The following ASCC3 variants were observed in gnomAD, a reference collection of about 807,000 sequenced individuals.
The protein encoded by ASCC3 is ASC-1 complex subunit P200.
In ASCC3, 158 loss-of-function variants were observed where a neutral mutation model predicts 256.3. The observed-to-expected ratio is 0.62, with a 90% CI of 0.54 to 0.70. ASCC3 has a LOEUF of 0.70. Among genes scored for constraint, ASCC3 ranks in the 30% least tolerant of loss-of-function variants. ASCC3 has a pLI of 0.00. For synonymous variants in ASCC3, 948 were observed against 883.4 expected (o/e 1.07, Z -1.30); for missense variants, 2,259 against 2,626.0 (o/e 0.86, Z 3.05).
At chr6:100,625,441 A>G (rs1774179551) in intron 29 of ASCC3, 107 bp from the exon 30 acceptor site, 1 of 1,335,234 alleles carries the variant, frequency 7.5e-7, no homozygotes, top group African/African-American at 1.4e-5. Context: ...TAAACAATTT[A>G]GGCATGAAAT....
chr6:100,679,780 A>C, intron 13 of ASCC3, 28 bp from the exon 14 acceptor site: 3 of 1,610,052 alleles, frequency 1.9e-6, no homozygotes, highest in Non-Finnish European at 2.5e-6. Context: ...AGTTTATTTA[A>C]TATTCCAATT....
chr6:100,798,893 T>C, intron 7 of ASCC3, 55 bp from the exon 8 acceptor site: 1 of 1,450,772 alleles, frequency 6.9e-7, no homozygotes, highest in Admixed American at 1.7e-5. Context: ...ACACTTGCTC[T>C]GGTAAATATT....
intron 4 of ASCC3, among the ~76,000 whole-genome samples, chr6:100,834,811 G>A (rs1771795291): frequency 6.6e-6 from 1 of 152,014 alleles, no homozygotes; most frequent in Non-Finnish European, 1.5e-5. Flanking sequence ...AATTCAAATT[G>A]GTAATTGAAG....
rs532060320 is a variant in ASCC3, at chr6:100,837,492, C to T, written c.801+10656G>A. On this transcript the variant is annotated intron_variant, in intron 4 of 41. Coordinates refer to ENST00000369162, the MANE Select transcript of ASCC3 (RefSeq NM_006828.4). ...CAAGATATGAATCAACCTAAGCATCCATCAACAGATGAATAGATAAATATA... is the reference window on the plus strand; with the variant it reads ...CAAGATATGAATCAACCTAAGCATCTATCAACAGATGAATAGATAAATATA... Among the ~76,000 whole-genome samples the T allele has an allele frequency of 1.8e-4, 28 of 152,158 alleles. No individual in the cohort carries two copies. The South Asian group carries it at 5.8e-3, about 32-fold the overall frequency.
chr6:100,777,527 T>C (rs1208537934), intron 8 of ASCC3, among the ~76,000 whole-genome samples: 1 of 152,124 alleles, frequency 6.6e-6, no homozygotes, highest in African/African-American at 2.4e-5. Context: ...AATGCTCCTA[T>C]GAATACATTT....
intron 36 of ASCC3, among the ~76,000 whole-genome samples, chr6:100,576,233 G>GA (rs1770851172): frequency 6.6e-6 from 1 of 151,870 alleles, no homozygotes; most frequent in Non-Finnish European, 1.5e-5. Flanking sequence ...GGGTTCTTAT[G>GA]AAACACCTAA....
At chr6:100,694,472 A>T (rs1293936403) in intron 13 of ASCC3, among the ~76,000 whole-genome samples, 1 of 152,174 alleles carries the variant, frequency 6.6e-6, no homozygotes, top group Non-Finnish European at 1.5e-5. Flanking sequence ...TGACAGAGGA[A>T]GGCTCAATCT....
intron 4 of ASCC3, among the ~76,000 whole-genome samples, chr6:100,843,416 A>C (rs1011400897): frequency 4.6e-5 from 7 of 152,198 alleles, no homozygotes; most frequent in Admixed American, 1.3e-4. Flanking sequence ...TGCTATAAAG[A>C]AGCAGCCCAT....
chr6:100,653,267 T>G (rs1775757873), intron 17 of ASCC3, among the ~76,000 whole-genome samples: 1 of 152,136 alleles, frequency 6.6e-6, no homozygotes, highest in Non-Finnish European at 1.5e-5. Context: ...TCAAATCATA[T>G]TCCTACTTTA....
intron 36 of ASCC3, among the ~76,000 whole-genome samples, chr6:100,562,393 C>G (rs929727054): frequency 2.0e-5 from 3 of 151,966 alleles, no homozygotes; most frequent in Non-Finnish European, 4.4e-5. Context: ...TTCATTTTAG[C>G]CTTCTCATAG....
At chr6:100,830,765 T>C (rs1392875318) in intron 4 of ASCC3, among the ~76,000 whole-genome samples, 1 of 152,246 alleles carries the variant, frequency 6.6e-6, no homozygotes, top group Non-Finnish European at 1.5e-5. Context: ...CACAAAGCAC[T>C]GTTTCTGGGC....
intron 39 of ASCC3, among the ~76,000 whole-genome samples, chr6:100,514,609 G>GATAT (rs35016256): frequency 8.1e-5 from 12 of 148,486 alleles, no homozygotes; most frequent in Non-Finnish European, 1.6e-4. Context: ...ATATTTATTG[G>GATAT]ATATATATAT....
At chr6:100,724,912 C>A (rs1432197594) in intron 11 of ASCC3, among the ~76,000 whole-genome samples, 2 of 151,924 alleles carry the variant, frequency 1.3e-5, no homozygotes, top group Non-Finnish European at 2.9e-5. Flanking sequence ...TACTCTAAAT[C>A]ACAGTCTATG....
At chr6:100,734,760 A>T (rs1780068989) in intron 10 of ASCC3, among the ~76,000 whole-genome samples, 2 of 152,202 alleles carry the variant, frequency 1.3e-5, no homozygotes, top group Admixed American at 6.5e-5. Flanking sequence ...CAGGGAAAGA[A>T]TAAAATCATA....
Position 100,626,664 on chromosome 6 carries a change from C to T in ASCC3, c.4642+926G>A, listed in dbSNP as rs186871122. ...TAAACTCATTTATCTTATTTCTCAC[C>T]CTTTTATTGTTTATCAGAATGTTAC... On this transcript the variant is annotated intron_variant, in intron 29 of 41. Coordinates refer to ENST00000369162, the MANE Select transcript of ASCC3 (RefSeq NM_006828.4). Among the ~76,000 whole-genome samples the T allele has an allele frequency of 2.4e-3, 372 of 151,972 alleles. 2 individuals carry two copies. Among genetic ancestry groups the T allele is most frequent in the African/African-American group, 8.5e-3 (353 of 41,458 alleles).
intron 34 of ASCC3, among the ~76,000 whole-genome samples, chr6:100,598,336 C>T (rs1192441657): frequency 2.6e-5 from 4 of 152,120 alleles, no homozygotes; most frequent in Non-Finnish European, 5.9e-5. Context: ...TTTCCTACAG[C>T]TAAAGAGGTG....
rs772005766 is a variant in ASCC3 at position 100,805,751 on chromosome 6, C to T, written c.922+9G>A. On this transcript the variant is annotated intron_variant, in intron 5 of 41. Transcript: ENST00000369162. ...TTTAAATTACAATGACCACTGCATA[C>T]TTTCTTACCTTGAAGAGCCTGAAAC... The T allele has an allele frequency of 1.8e-5, 29 of 1,609,466 alleles. No homozygotes were observed. The highest frequency in any genetic ancestry group is 2.5e-5 in the Non-Finnish European group (29 of 1,177,936).
At chr6:100,633,414 G>T (rs1451204428) in intron 25 of ASCC3, among the ~76,000 whole-genome samples, 1 of 151,964 alleles carries the variant, frequency 6.6e-6, no homozygotes, top group Non-Finnish European at 1.5e-5. Context: ...TAGTGATACT[G>T]GCAACTCGGA....
rs546498107 is a variant in ASCC3, at chr6:100,864,064, C to A, written c.241G>T (p.Val81Phe). The A allele has an allele frequency of 2.6e-6, 4 of 1,552,404 alleles. No homozygotes were observed. The highest frequency in any genetic ancestry group is 2.6e-6 in the Non-Finnish European group (3 of 1,144,080). The stretch of plus-strand genomic sequence containing the variant: ...AAAAAAGAAAAAAAGAAAACTATAC[C>A]TATCTGCTTTGCAGCATGTAATATA... The part of the protein sequence containing the change: ...KDILHAAKQI[V>F]GTDNGREAIE... Residue 81 changes from valine (V) to phenylalanine (F), a missense_variant and splice_region_variant, in exon 3 of 42, where the codon GTT (valine) becomes TTT (phenylalanine). Physicochemically the swap from Val to Phe is conservative, Grantham distance 50. Transcript: ENST00000369162.
Sources: allele counts gnomAD v4.1 joint callset (sites outside exome capture counted in the v4.1 genomes callset), GRCh38; gene constraint gnomAD v4.1.1; transcripts MANE v1.5; gene names NCBI Gene and HGNC (gene_info 2026-07-23, HGNC 2026-07-21).